The following EPHB1 variants were observed in gnomAD, a reference collection of about 807,000 sequenced individuals.
EPHB1 encodes the protein ephrin type-B receptor 1.
A neutral mutation model predicts 94.4 loss-of-function variants in EPHB1; 30 were observed. The observed-to-expected ratio is 0.32, with a 90% CI of 0.24 to 0.43. EPHB1 has a LOEUF of 0.43. EPHB1 is among the 20% of genes least tolerant of loss of function. The pLI is 1.00. For synonymous variants in EPHB1, 522 were observed against 489.1 expected (o/e 1.07, Z -0.89); for missense variants, 1,055 against 1,308.3 (o/e 0.81, Z 2.99).
intron 3 of EPHB1, among the ~76,000 whole-genome samples, chr3:135,041,878 C>G (rs971202761): frequency 1.3e-4 from 19 of 149,010 alleles, no homozygotes; most frequent in African/African-American, 4.8e-4. Flanking sequence ...AGGGCACCTG[C>G]ACACATGAGA....
intron 3 of EPHB1, among the ~76,000 whole-genome samples, chr3:135,033,911 T>A (rs764142570): frequency 6.6e-6 from 1 of 151,898 alleles, no homozygotes; most frequent in Non-Finnish European, 1.5e-5. Flanking sequence ...ACCCCAGAGG[T>A]TCTAGCAAAA....
intron 3 of EPHB1, among the ~76,000 whole-genome samples, chr3:135,016,960 A>C (rs1935818563): frequency 6.6e-6 from 1 of 151,966 alleles, no homozygotes; most frequent in Non-Finnish European, 1.5e-5. Flanking sequence ...CCCTTCCCTC[A>C]TCTCCAGGCA....
At chr3:135,207,913 C>G (rs1942940190) in intron 12 of EPHB1, among the ~76,000 whole-genome samples, 2 of 152,208 alleles carry the variant, frequency 1.3e-5, no homozygotes, top group African/African-American at 4.8e-5. Flanking sequence ...GCACATCAAT[C>G]CCATCTTGGG....
chr3:135,043,378 A>G (rs1189371053), intron 3 of EPHB1, among the ~76,000 whole-genome samples: 2 of 152,142 alleles, frequency 1.3e-5, no homozygotes. Flanking sequence ...TTCAGGCTTA[A>G]TCAACGCTGG....
intron 3 of EPHB1, among the ~76,000 whole-genome samples, chr3:134,973,695 G>A (rs981185304): frequency 5.9e-5 from 9 of 152,160 alleles, no homozygotes; most frequent in Non-Finnish European, 8.8e-5. Context: ...GCCTCCCAAA[G>A]TGCTAGGATT....
At position 134,933,022 on chromosome 3, in the gene EPHB1, GC is replaced by G. The variant is rs374863652; in HGVS notation, c.123+7144del. Among the ~76,000 whole-genome samples the G allele has an allele frequency of 1.6e-3, 249 of 152,252 alleles. 2 individuals carry two copies. The highest frequency in any genetic ancestry group is 5.8e-3 in the African/African-American group (243 of 41,552). On this transcript the variant is annotated intron_variant, in intron 2 of 15. Coordinates refer to ENST00000398015, the MANE Select transcript of EPHB1 (RefSeq NM_004441.5). ...TAGTATCTGTCATGACTTTTTGGTGGCCAGTGACAGAAAAGCAAAACCCACT... is the reference window on the plus strand; with the variant it reads ...TAGTATCTGTCATGACTTTTTGGTGGCAGTGACAGAAAAGCAAAACCCACT...
At chr3:135,119,123 G>T (rs1023635063) in intron 4 of EPHB1, among the ~76,000 whole-genome samples, 1 of 152,178 alleles carries the variant, frequency 6.6e-6, no homozygotes, top group Non-Finnish European at 1.5e-5. Flanking sequence ...TTATAAATGA[G>T]TGTGTATTTT....
intron 6 of EPHB1, chr3:135,154,519 G>C: frequency 2.3e-6 from 1 of 443,430 alleles, no homozygotes; most frequent in East Asian, 3.9e-5. Context: ...AATCTGGATA[G>C]TTCACTGGCT....
At chr3:134,925,978 G>A in intron 2 of EPHB1, 98 bp downstream of exon 2, 2 of 1,067,398 alleles carry the variant, frequency 1.9e-6, no homozygotes, top group Non-Finnish European at 2.7e-6. Context: ...TACCTGTGGG[G>A]AATGGAATAC....
chr3:135,242,865 A>G (rs905575427), intron 13 of EPHB1, among the ~76,000 whole-genome samples: 4 of 152,044 alleles, frequency 2.6e-5, no homozygotes, highest in African/African-American at 9.7e-5. Flanking sequence ...ATTGCTTGAG[A>G]CCAGGACTTT....
intron 4 of EPHB1, among the ~76,000 whole-genome samples, chr3:135,126,026 T>C (rs935889711): frequency 1.3e-5 from 2 of 152,130 alleles, no homozygotes; most frequent in Admixed American, 6.6e-5. Flanking sequence ...TCTGGTAGAA[T>C]CCTTATTTTG....
At chr3:135,212,082 C>T (rs948393899) in intron 12 of EPHB1, among the ~76,000 whole-genome samples, 1 of 152,022 alleles carries the variant, frequency 6.6e-6, no homozygotes, top group Non-Finnish European at 1.5e-5. Context: ...TATCATTTGC[C>T]ATCTTTGTTT....
intron 9 of EPHB1, among the ~76,000 whole-genome samples, chr3:135,174,638 G>C (rs1941922128): frequency 6.6e-6 from 1 of 152,208 alleles, no homozygotes; most frequent in Admixed American, 6.5e-5. Flanking sequence ...TCTTAGCACA[G>C]TGCTGGTTTG....
chr3:135,019,125 AC>A (rs1031814708), intron 3 of EPHB1, among the ~76,000 whole-genome samples: 13 of 151,910 alleles, frequency 8.6e-5, no homozygotes, highest in Non-Finnish European at 1.2e-4. Flanking sequence ...GAGGCCCCAC[AC>A]CCCATACCTC....
At chr3:135,148,507 G>C (rs1376870319) in intron 5 of EPHB1, among the ~76,000 whole-genome samples, 2 of 152,170 alleles carry the variant, frequency 1.3e-5, no homozygotes, top group East Asian at 1.9e-4. Context: ...ATGGAGGGCT[G>C]TCTGGTGGTC....
chr3:134,846,413 G>A (rs536048016), intron 1 of EPHB1, among the ~76,000 whole-genome samples: 3 of 152,274 alleles, frequency 2.0e-5, no homozygotes, highest in East Asian at 3.9e-4. Context: ...CTGCCTTTGC[G>A]ATACCTTCCA....
intron 3 of EPHB1, among the ~76,000 whole-genome samples, chr3:135,008,557 C>T (rs886121566): frequency 3.9e-5 from 6 of 152,220 alleles, no homozygotes; most frequent in Admixed American, 1.3e-4. Flanking sequence ...ATTTGAAACA[C>T]GCTAGGGATT....
chr3:134,964,085 T>C lies in EPHB1; in HGVS notation c.805+12033T>C, dbSNP rs186288125. On this transcript the variant is annotated intron_variant, in intron 3 of 15. Coordinates refer to ENST00000398015, the MANE Select transcript of EPHB1 (RefSeq NM_004441.5). The stretch of plus-strand genomic sequence containing the variant: ...ATCCCTACTTGCTCTGTGCCATCTG[T>C]TAAATGAAAACAGAACAAAACACAC... Among the ~76,000 whole-genome samples, 5 of 152,316 alleles carry C rather than the reference T, an allele frequency of 3.3e-5. No individual in the cohort carries two copies. The East Asian group carries it at 9.6e-4, about 29-fold the overall frequency.
intron 1 of EPHB1, among the ~76,000 whole-genome samples, chr3:134,863,488 C>T (rs2037309597): frequency 6.6e-6 from 1 of 152,110 alleles, no homozygotes; most frequent in Non-Finnish European, 1.5e-5. Flanking sequence ...AAACCCAGTC[C>T]CCTTAAGTGG....
Sources: allele counts gnomAD v4.1 joint callset (sites outside exome capture counted in the v4.1 genomes callset), GRCh38; gene constraint gnomAD v4.1.1; transcripts MANE v1.5; gene names NCBI Gene and HGNC (gene_info 2026-07-23, HGNC 2026-07-21).